CNTNAP2: variants seen among roughly 807,000 people sequenced by gnomAD.
CNTNAP2 encodes the protein contactin associated protein 2.
A neutral mutation model predicts 155.2 loss-of-function variants in CNTNAP2; 98 were observed. The ratio of observed to expected loss-of-function variants is 0.63; its 90% CI spans 0.54 to 0.75. The LOEUF (loss-of-function observed/expected upper bound fraction) is 0.75, where lower values mean the gene tolerates loss of function less well. CNTNAP2 is among the 30% of genes least tolerant of loss of function. The probability of loss-of-function intolerance (pLI) is 0.00; values close to 1 mark genes in which losing one functional copy is unlikely to be tolerated. For missense variants in CNTNAP2, 1,727 were observed against 1,688.1 expected (o/e 1.02, Z -0.40); for synonymous variants, 651 against 631.2 (o/e 1.03, Z -0.47).
At chr7:148,040,457 A>T (rs1802649865) in intron 15 of CNTNAP2, among the ~76,000 whole-genome samples, 1 of 152,178 alleles carries the variant, frequency 6.6e-6, no homozygotes, top group Non-Finnish European at 1.5e-5. Context: ...GAGCCCCAGC[A>T]TCAATATTTT....
intron 1 of CNTNAP2, among the ~76,000 whole-genome samples, chr7:146,757,160 A>C (rs1340918767): frequency 1.3e-5 from 2 of 152,126 alleles, no homozygotes; most frequent in African/African-American, 4.8e-5. Context: ...TGTGTTATGA[A>C]GGTAGCAGTA....
intron 1 of CNTNAP2, among the ~76,000 whole-genome samples, chr7:146,157,577 A>G (rs1309337223): frequency 6.6e-6 from 1 of 152,218 alleles, no homozygotes; most frequent in Admixed American, 6.5e-5. Context: ...ATGGCACACC[A>G]GGACATTATA....
chr7:147,726,323 A>G (rs1796642097), intron 13 of CNTNAP2, among the ~76,000 whole-genome samples: 1 of 151,990 alleles, frequency 6.6e-6, no homozygotes, highest in African/African-American at 2.4e-5. Context: ...TTTATTACCC[A>G]GGTTGTGGGG....
intron 8 of CNTNAP2, among the ~76,000 whole-genome samples, chr7:147,210,957 AT>A (rs966264022): frequency 1.4e-5 from 2 of 145,426 alleles, no homozygotes; most frequent in African/African-American, 5.0e-5. Flanking sequence ...TATGATTTAG[AT>A]TTTTTTGTAT....
At chr7:147,823,522 G>A (rs1022435042) in intron 13 of CNTNAP2, among the ~76,000 whole-genome samples, 20 of 152,002 alleles carry the variant, frequency 1.3e-4, no homozygotes, top group Non-Finnish European at 2.6e-4. Flanking sequence ...GAAGACACGC[G>A]CCCTGAAAAA....
chr7:148,006,042 G>A (rs550908539), intron 15 of CNTNAP2, among the ~76,000 whole-genome samples: 153 of 151,952 alleles, frequency 1.0e-3, no homozygotes, highest in African/African-American at 3.5e-3. Flanking sequence ...ACACATAGTC[G>A]TGATCTTAGA....
intron 15 of CNTNAP2, among the ~76,000 whole-genome samples, chr7:148,002,532 A>T (rs1447380781): frequency 5.3e-5 from 8 of 152,006 alleles, no homozygotes; most frequent in Non-Finnish European, 1.2e-4. Context: ...AACATTTCTT[A>T]TCCATTTATA....
chr7:146,191,871 C>T (rs1004603384), intron 1 of CNTNAP2, among the ~76,000 whole-genome samples: 2 of 152,136 alleles, frequency 1.3e-5, no homozygotes, highest in Admixed American at 6.5e-5. Context: ...TTTAAACACA[C>T]ATGCTTTACG....
At chr7:146,672,529 C>T (rs541815987) in intron 1 of CNTNAP2, among the ~76,000 whole-genome samples, 7 of 151,896 alleles carry the variant, frequency 4.6e-5, no homozygotes, top group African/African-American at 9.7e-5. Context: ...TGTGAGACTG[C>T]GGGAGAGGAG....
At chr7:147,971,346 G>A (rs868533311) in intron 14 of CNTNAP2, among the ~76,000 whole-genome samples, 1 of 152,200 alleles carries the variant, frequency 6.6e-6, no homozygotes, top group South Asian at 2.1e-4. Context: ...AACTGTACAA[G>A]TGTACAGGTT....
intron 3 of CNTNAP2, among the ~76,000 whole-genome samples, chr7:146,862,144 C>T (rs1433666150): frequency 1.3e-5 from 2 of 152,238 alleles, no homozygotes; most frequent in South Asian, 2.1e-4. Flanking sequence ...GGACTTTTTC[C>T]ACCTGCCAGT....
intron 21 of CNTNAP2, among the ~76,000 whole-genome samples, chr7:148,318,017 A>G (rs897982197): frequency 6.6e-6 from 1 of 152,138 alleles, no homozygotes; most frequent in African/African-American, 2.4e-5. Context: ...TCTTCCTCCA[A>G]GGTGGTGGCA....
chr7:146,461,942 C>T (rs1796643153), intron 1 of CNTNAP2, among the ~76,000 whole-genome samples: 2 of 152,134 alleles, frequency 1.3e-5, no homozygotes, highest in African/African-American at 4.8e-5. Flanking sequence ...TTTCTTGTTT[C>T]CTAATAAGCT....
chr7:147,633,908 C>T (rs1297699478), intron 12 of CNTNAP2, among the ~76,000 whole-genome samples: 1 of 152,096 alleles, frequency 6.6e-6, no homozygotes, highest in Non-Finnish European at 1.5e-5. Context: ...TGGACTAATA[C>T]ATTACCTTAT....
At chr7:146,663,292 A>ATG (rs1800126310) in intron 1 of CNTNAP2, among the ~76,000 whole-genome samples, 1 of 100,982 alleles carries the variant, frequency 9.9e-6, no homozygotes, top group South Asian at 4.4e-4. Flanking sequence ...AAAAAAAAAA[A>ATG]AAAAAAGAAA....
chr7:148,202,130 A>G (rs1795378932), intron 18 of CNTNAP2, among the ~76,000 whole-genome samples: 1 of 151,924 alleles, frequency 6.6e-6, no homozygotes, highest in Non-Finnish European at 1.5e-5. Context: ...GCGGTATTTC[A>G]TATGTGGCAC....
intron 1 of CNTNAP2, among the ~76,000 whole-genome samples, chr7:146,133,553 T>A (rs1229161898): frequency 6.6e-6 from 1 of 152,090 alleles, no homozygotes; most frequent in Non-Finnish European, 1.5e-5. Context: ...TTAGGTCTAA[T>A]GTTTAAGTCT....
intron 1 of CNTNAP2, among the ~76,000 whole-genome samples, chr7:146,131,179 A>G (rs1257492830): frequency 6.6e-6 from 1 of 152,202 alleles, no homozygotes; most frequent in East Asian, 1.9e-4. Context: ...TAAAGGTAAT[A>G]TGACTCATAT....
chr7:146,694,156 G>A (rs1366545285), intron 1 of CNTNAP2, among the ~76,000 whole-genome samples: 1 of 152,260 alleles, frequency 6.6e-6, no homozygotes, highest in South Asian at 2.1e-4. Flanking sequence ...ACTGAGAGAA[G>A]CAAGGAATAT....
Sources: allele counts gnomAD v4.1 joint callset (sites outside exome capture counted in the v4.1 genomes callset), GRCh38; gene constraint gnomAD v4.1.1; transcripts MANE v1.5; gene names NCBI Gene and HGNC (gene_info 2026-07-23, HGNC 2026-07-21).